ALDH1A2: variants seen among roughly 807,000 people sequenced by gnomAD.
The protein encoded by ALDH1A2 is retinal dehydrogenase 2.
ALDH1A2 carries 27 observed loss-of-function variants against 60.3 expected under a neutral mutation model. That is an observed-to-expected ratio of 0.45 (90% CI 0.33 to 0.62). ALDH1A2 has a LOEUF of 0.62. Ranked by LOEUF, ALDH1A2 falls within the 20% of genes least tolerant of loss-of-function variation. The pLI is 0.02. For synonymous variants in ALDH1A2, 289 were observed against 232.4 expected, an observed-to-expected ratio of 1.24 and a Z score of -2.21; for missense variants, 581 against 643.8, an observed-to-expected ratio of 0.90 and a Z score of 1.06.
intron 4 of ALDH1A2, among the ~76,000 whole-genome samples, chr15:58,005,155 G>T (rs1895407680): frequency 6.6e-6 from 1 of 151,652 alleles, no homozygotes; most frequent in African/African-American, 2.4e-5. Context: ...CTCATACTTT[G>T]TGCCAGCTAC....
chr15:57,968,122 T>C (rs1416129138), intron 7 of ALDH1A2, among the ~76,000 whole-genome samples: 1 of 152,170 alleles, frequency 6.6e-6, no homozygotes, highest in Non-Finnish European at 1.5e-5. Flanking sequence ...TCTGGGGGAA[T>C]CCAAATTAAC....
intron 8 of ALDH1A2, among the ~76,000 whole-genome samples, chr15:57,965,061 G>C (rs571292332): frequency 6.6e-6 from 1 of 152,000 alleles, no homozygotes; most frequent in Non-Finnish European, 1.5e-5. Flanking sequence ...TTCCTTACCT[G>C]GAGAGCTTTT....
intron 1 of ALDH1A2, among the ~76,000 whole-genome samples, chr15:58,027,949 A>C (rs1176107256): frequency 6.6e-6 from 1 of 152,220 alleles, no homozygotes; most frequent in African/African-American, 2.4e-5. Context: ...TGACGGGGAC[A>C]ATGGAACCAA....
intron 7 of ALDH1A2, among the ~76,000 whole-genome samples, chr15:57,971,858 G>A (rs1894078245): frequency 6.6e-6 from 1 of 152,108 alleles, no homozygotes; most frequent in Non-Finnish European, 1.5e-5. Flanking sequence ...TGAATAACTG[G>A]GGCTACAGGT....
chr15:57,985,666 T>C (rs1039489890), intron 7 of ALDH1A2, among the ~76,000 whole-genome samples: 16 of 152,190 alleles, frequency 1.1e-4, no homozygotes, highest in African/African-American at 3.1e-4. Flanking sequence ...TCTTTCCTCC[T>C]TCATGTAGCA....
chr15:58,060,459 A>G (rs1165256206), intron 1 of ALDH1A2, among the ~76,000 whole-genome samples: 13 of 136,152 alleles, frequency 9.5e-5, no homozygotes, highest in African/African-American at 2.8e-4. Flanking sequence ...GATGCCACAC[A>G]TATCTTTTTT....
intron 7 of ALDH1A2, among the ~76,000 whole-genome samples, chr15:57,986,687 T>C (rs1894715288): frequency 6.6e-6 from 1 of 151,776 alleles, no homozygotes; most frequent in Non-Finnish European, 1.5e-5. Context: ...TTATTATTAT[T>C]ATTAGATGGA....
Position 58,010,893 on chromosome 15 carries a change from T to C in ALDH1A2, c.364-115A>G, listed in dbSNP as rs564654165. ...GAATACAAATGCATATGGAGTTGCA[T>C]ACCTGGTCAACTATGAATTCTCAAA... On this transcript the variant is annotated intron_variant, in intron 3 of 12. Coordinates refer to ENST00000249750, the MANE Select transcript of ALDH1A2 (RefSeq NM_003888.4). 6.5e-4 allele frequency: 867 copies of C among 1,335,690 alleles called. 8 individuals carry two copies. Among genetic ancestry groups the C allele is most frequent in the South Asian group, 3.3e-3 (271 of 80,968 alleles). 82.7% of individuals were successfully genotyped at this position (1,335,690 alleles called of 1,614,324 possible).
rs113322985 is a variant in ALDH1A2 at position 57,958,214 on chromosome 15, G to GCACACACACACACACACACACA, written c.1484+2555_1484+2556insTGTGTGTGTGTGTGTGTGTGTG. ...TCTGTATGCATGCGTGTACACGCAC[G>GCACACACACACACACACACACA]CACACACACACATAAATTTGACAAG... On this transcript the variant is annotated intron_variant, in intron 12 of 12. Transcript: ENST00000249750. Among the ~76,000 whole-genome samples the GCACACACACACACACACACACA allele has an allele frequency of 5.2e-3, 791 of 151,812 alleles. 5 individuals are homozygous for GCACACACACACACACACACACA. Among genetic ancestry groups the GCACACACACACACACACACACA allele is most frequent in the African/African-American group, 0.013 (547 of 41,436 alleles).
At chr15:58,003,454 C>G (rs1472713282) in intron 4 of ALDH1A2, among the ~76,000 whole-genome samples, 1 of 151,912 alleles carries the variant, frequency 6.6e-6, no homozygotes, top group African/African-American at 2.4e-5. Flanking sequence ...ACAGGTTAAA[C>G]TGGAAGAGGG....
intron 4 of ALDH1A2, among the ~76,000 whole-genome samples, chr15:57,999,528 T>A (rs1375373970): frequency 1.3e-5 from 2 of 151,816 alleles, no homozygotes; most frequent in Non-Finnish European, 2.9e-5. Flanking sequence ...TATTAAAAAG[T>A]CAAGAAACAA....
At chr15:57,963,086 C>A (rs35639929) in intron 9 of ALDH1A2, among the ~76,000 whole-genome samples, 1 of 152,148 alleles carries the variant, frequency 6.6e-6, no homozygotes, top group South Asian at 2.1e-4. Flanking sequence ...CCCTTCACTT[C>A]CTACACTTTC....
intron 3 of ALDH1A2, among the ~76,000 whole-genome samples, chr15:58,011,186 G>C (rs1425602568): frequency 1.3e-5 from 2 of 152,148 alleles, no homozygotes; most frequent in African/African-American, 4.8e-5. Context: ...TGCAACTGAT[G>C]AGAATAGAAA....
intron 4 of ALDH1A2, among the ~76,000 whole-genome samples, chr15:58,002,297 GC>G (rs1895301145): frequency 6.6e-6 from 1 of 151,832 alleles, no homozygotes; most frequent in Non-Finnish European, 1.5e-5. Context: ...AGTACAATAA[GC>G]CTCTACTATA....
chr15:57,976,898 A>G (rs1258272033), intron 7 of ALDH1A2, among the ~76,000 whole-genome samples: 2 of 152,112 alleles, frequency 1.3e-5, no homozygotes, highest in African/African-American at 2.4e-5. Context: ...AAGCATTCCT[A>G]TTTCTCCAAA....
intron 4 of ALDH1A2, among the ~76,000 whole-genome samples, chr15:58,006,839 T>G (rs572772898): frequency 2.1e-5 from 3 of 143,360 alleles, no homozygotes; most frequent in Non-Finnish European, 4.6e-5. Context: ...TCTGCCTTCT[T>G]GCTTCAGCTC....
intron 8 of ALDH1A2, chr15:57,964,412 G>A (rs1893829184): frequency 4.3e-6 from 1 of 231,410 alleles, no homozygotes; most frequent in Non-Finnish European, 8.6e-6. Flanking sequence ...GAGGGGCTAA[G>A]AAGGAAAGCC....
chr15:57,977,751 A>G (rs1191441318), intron 7 of ALDH1A2, among the ~76,000 whole-genome samples: 1 of 152,246 alleles, frequency 6.6e-6, no homozygotes, highest in Non-Finnish European at 1.5e-5. Flanking sequence ...TTCTATGAAG[A>G]AAGTCAATGG....
chr15:57,989,343 C>T (rs1372422213), intron 7 of ALDH1A2, among the ~76,000 whole-genome samples: 2 of 152,126 alleles, frequency 1.3e-5, no homozygotes, highest in Non-Finnish European at 2.9e-5. Flanking sequence ...TAGCATTTTT[C>T]CTCATTTTAA....
Sources: gnomAD v4.1 joint callset for allele counts (sites outside exome capture counted in the v4.1 genomes callset) on GRCh38, gnomAD v4.1.1 for gene constraint, MANE v1.5 for transcripts, NCBI Gene and HGNC (gene_info 2026-07-23, HGNC 2026-07-21) for gene names.